The following ROS1 variants were observed in gnomAD, a reference collection of about 807,000 sequenced individuals.
The protein encoded by ROS1 is proto-oncogene tyrosine-protein kinase ROS.
Under a neutral mutation model 273.5 loss-of-function variants are expected in ROS1, and 263 were observed. The observed-to-expected ratio is 0.96, with a 90% CI of 0.87 to 1.06. ROS1 has a LOEUF of 1.06. ROS1 is among the 50% of genes least tolerant of loss of function. ROS1 has a pLI of 0.00. For missense variants in ROS1, 2,833 were observed against 2,751.1 expected, an observed-to-expected ratio of 1.03 and a Z score of -0.67; for synonymous variants, 1,008 against 954.1, an observed-to-expected ratio of 1.06 and a Z score of -1.04.
Position 117,323,634 on chromosome 6 carries a change from T to C in ROS1, c.5623+698A>G, listed in dbSNP as rs149214185. Among the ~76,000 whole-genome samples the C allele has an allele frequency of 8.0e-3, 1,225 of 152,262 alleles. 13 individuals are homozygous for C. Among genetic ancestry groups the C allele is most frequent in the African/African-American group, 0.028 (1,160 of 41,582 alleles). ...AACAGAAATAAACAAGAATGTATGATCACTGTGATAACTCTAAAAGTCCAA... is the reference window on the plus strand; with the variant it reads ...AACAGAAATAAACAAGAATGTATGACCACTGTGATAACTCTAAAAGTCCAA... On this transcript the variant is annotated intron_variant, in intron 35 of 43. Coordinates refer to ENST00000368507, the MANE Select transcript of ROS1 (RefSeq NM_001378902.1).
intron 18 of ROS1, among the ~76,000 whole-genome samples, chr6:117,369,654 G>A (rs912140678): frequency 3.9e-5 from 6 of 152,092 alleles, no homozygotes; most frequent in Non-Finnish European, 7.4e-5. Flanking sequence ...GGACACTGTT[G>A]CTTTGAACAT....
Position 117,357,855 on chromosome 6 carries a change from A to C in ROS1, c.3788T>G (p.Ile1263Ser), listed in dbSNP as rs369902845. The change falls in exon 25 of 44, where the codon ATT (isoleucine) becomes AGT (serine). Residue 1263 changes from isoleucine (I) to serine (S), a missense_variant. Transcript: ENST00000368507. The stretch of plus-strand genomic sequence containing the variant: ...AATTATTGTTGAATTCCTATTGTGA[A>C]TCTTCACCTCTCTGGGATATTTCAC... ...HKVKYPREVK[I>S]HNRNSTIISF... 6.2e-7 allele frequency: 1 copy of C among 1,613,510 alleles called. No individual in the cohort carries two copies. Among genetic ancestry groups the C allele is most frequent in the East Asian group, 2.2e-5 (1 of 44,810 alleles).
intron 32 of ROS1, among the ~76,000 whole-genome samples, chr6:117,334,900 C>T (rs1361032828): frequency 2.0e-5 from 3 of 152,088 alleles, no homozygotes; most frequent in Non-Finnish European, 4.4e-5. Flanking sequence ...AGAAGAAAAC[C>T]TAGGCAATAC....
In ROS1 at chr6:117,394,653, A is replaced by G. The variant is rs771392677; in HGVS notation, c.969T>C (p.His323=). The change falls in exon 10 of 44, where the codon CAT becomes CAC. Residue 323 remains histidine (H), a synonymous_variant. Transcript: ENST00000368507. ...GGTATATAGCATCCAACCGAAGGCAATGTGCTTCATCTACTAAATGTTTTA... is the reference window on the plus strand; with the variant it reads ...GGTATATAGCATCCAACCGAAGGCAGTGTGCTTCATCTACTAAATGTTTTA... The part of the protein sequence containing the change: ...RSLKHLVDEA[H]CLRLDAIYHN... 1.2e-6 allele frequency: 2 copies of G among 1,611,664 alleles called. No individual in the cohort carries two copies. The highest frequency in any genetic ancestry group is 1.7e-5 in the Admixed American group (1 of 59,960).
At chr6:117,365,251 A>C (rs953997513) in intron 20 of ROS1, 47 bp from the exon 21 acceptor site, 2 of 1,507,568 alleles carry the variant, frequency 1.3e-6, no homozygotes, top group African/African-American at 2.8e-5. Context: ...GAGAATTATA[A>C]AATCTTTCAT....
intron 18 of ROS1, among the ~76,000 whole-genome samples, chr6:117,368,074 G>A (rs1780419057): frequency 6.6e-6 from 1 of 152,128 alleles, no homozygotes. Context: ...TCTATAGTTT[G>A]ATCAAAGTGC....
chr6:117,339,978 C>T (rs1582668355), intron 31 of ROS1, among the ~76,000 whole-genome samples: 3 of 152,148 alleles, frequency 2.0e-5, no homozygotes. Context: ...AAATGAGAGG[C>T]TAGGGTGTCA....
intron 32 of ROS1, among the ~76,000 whole-genome samples, chr6:117,329,824 G>C (rs1776942095): frequency 6.6e-6 from 1 of 152,168 alleles, no homozygotes; most frequent in Non-Finnish European, 1.5e-5. Context: ...CTTTTCCAAA[G>C]AACTGTGCAA....
intron 28 of ROS1, among the ~76,000 whole-genome samples, chr6:117,343,695 C>A (rs1251594910): frequency 6.6e-6 from 1 of 152,154 alleles, no homozygotes; most frequent in Admixed American, 6.6e-5. Context: ...TTCTTTCCGT[C>A]CAGTTCATTT....
At chr6:117,395,154 C>T (rs1309838095) in intron 9 of ROS1, among the ~76,000 whole-genome samples, 1 of 152,126 alleles carries the variant, frequency 6.6e-6, no homozygotes, top group Non-Finnish European at 1.5e-5. Context: ...TCTTCAGTAT[C>T]TTTGCCTTTA....
intron 27 of ROS1, among the ~76,000 whole-genome samples, chr6:117,347,590 G>A (rs1182707284): frequency 6.6e-6 from 1 of 151,978 alleles, no homozygotes; most frequent in Non-Finnish European, 1.5e-5. Flanking sequence ...GTTGCATGCT[G>A]TGACTTCCAC....
intron 12 of ROS1, among the ~76,000 whole-genome samples, chr6:117,392,355 T>C (rs1246842059): frequency 6.6e-6 from 1 of 152,174 alleles, no homozygotes; most frequent in Non-Finnish European, 1.5e-5. Flanking sequence ...GCTGTATTTT[T>C]TTTTTCATTC....
chr6:117,416,169 C>A, intron 3 of ROS1, 89 bp downstream of exon 3: 1 of 809,476 alleles, frequency 1.2e-6, no homozygotes, highest in Admixed American at 1.9e-5. Flanking sequence ...TAGTTGAAAG[C>A]CAATGGAAAT....
At chr6:117,394,861 T>G (rs562789726) in intron 9 of ROS1, 123 bp from the exon 10 acceptor site, 4 of 765,600 alleles carry the variant, frequency 5.2e-6, no homozygotes, top group Non-Finnish European at 7.9e-6. Flanking sequence ...CTGGTCAAAT[T>G]TTCTCTAATG....
chr6:117,373,034 T>G (rs564542473), intron 18 of ROS1, among the ~76,000 whole-genome samples: 1 of 152,338 alleles, frequency 6.6e-6, no homozygotes, highest in African/African-American at 2.4e-5. Flanking sequence ...TGCTGATTGG[T>G]GTATTTGCAA....
intron 5 of ROS1, among the ~76,000 whole-genome samples, chr6:117,408,480 C>T (rs2128732892): frequency 6.6e-6 from 1 of 152,266 alleles, no homozygotes; most frequent in African/African-American, 2.4e-5. Context: ...TCATCACTGG[C>T]CATCAGAGAA....
chr6:117,415,830 C>T (rs190628149), intron 3 of ROS1, among the ~76,000 whole-genome samples: 251 of 152,296 alleles, frequency 1.6e-3, no homozygotes, highest in African/African-American at 5.4e-3. Context: ...AGCATTGCAA[C>T]ACCTGGGAGC....
rs748436511 is a variant in ROS1 at position 117,359,956 on chromosome 6, T to TA, written c.3485dup (p.Leu1162PhefsTer26). The stretch of plus-strand genomic sequence containing the variant: ...ACACAACTTGATTTTGATCCATATC[T>TA]AAAAAAACTATCTTGTTACCAAGAA... On this transcript the variant is annotated frameshift_variant, in exon 24 of 44. Coordinates refer to ENST00000368507, the MANE Select transcript of ROS1 (RefSeq NM_001378902.1). LOFTEE classifies it high-confidence loss of function. 9.3e-6 allele frequency: 15 copies of TA among 1,613,812 alleles called. 1 individual carries two copies. The South Asian group carries it at 1.1e-4, about 12-fold the overall frequency.
chr6:117,288,898 A>C (rs1404857798), intron 43 of ROS1, 96 bp from the exon 44 acceptor site: 2 of 986,966 alleles, frequency 2.0e-6, no homozygotes, highest in Non-Finnish European at 2.9e-6. Context: ...CACCAACTTT[A>C]CACATTTGTT....
Sources: gnomAD v4.1 joint callset for allele counts (sites outside exome capture counted in the v4.1 genomes callset) on GRCh38, gnomAD v4.1.1 for gene constraint, MANE v1.5 for transcripts, NCBI Gene and HGNC (gene_info 2026-07-23, HGNC 2026-07-21) for gene names.